The following ROBO1 variants were observed in gnomAD, a reference collection of about 807,000 sequenced individuals.
ROBO1 encodes the protein roundabout guidance receptor 1.
ROBO1 carries 149 observed loss-of-function variants against 195.9 expected under a neutral mutation model. That is an observed-to-expected ratio of 0.76 (90% confidence interval 0.67 to 0.87). The LOEUF is 0.87. Among genes scored for constraint, ROBO1 ranks in the 40% least tolerant of loss-of-function variants. ROBO1 has a pLI of 0.00. For missense variants in ROBO1, 1,933 were observed against 2,068.3 expected (o/e 0.93, Z 1.27); for synonymous variants, 816 against 733.2 (o/e 1.11, Z -1.82).
intron 3 of ROBO1, among the ~76,000 whole-genome samples, chr3:79,121,600 G>A (rs2080117637): frequency 6.6e-6 from 1 of 151,902 alleles, no homozygotes; most frequent in African/African-American, 2.4e-5. Flanking sequence ...TAAATTGACA[G>A]TGACAAAACT....
intron 3 of ROBO1, among the ~76,000 whole-genome samples, chr3:79,105,288 C>T (rs548034927): frequency 6.6e-6 from 1 of 151,606 alleles, no homozygotes; most frequent in South Asian, 2.1e-4. Context: ...AGTGTAAGGG[C>T]AAGATGAACA....
At chr3:79,307,576 G>C (rs981033533) in intron 2 of ROBO1, among the ~76,000 whole-genome samples, 1 of 151,920 alleles carries the variant, frequency 6.6e-6, no homozygotes, top group African/African-American at 2.4e-5. Flanking sequence ...ATTTTTGTGA[G>C]ATGAAATTAT....
chr3:79,334,535 A>G (rs1007976178), intron 2 of ROBO1, among the ~76,000 whole-genome samples: 2 of 151,644 alleles, frequency 1.3e-5, no homozygotes, highest in African/African-American at 4.8e-5. Flanking sequence ...TGTTCGATAA[A>G]CTTGTGTTCA....
At position 79,274,443 on chromosome 3, in the gene ROBO1, T is replaced by C. The variant is rs2030847309; in HGVS notation, c.89-148904A>G. On this transcript the variant is annotated intron_variant, in intron 2 of 30. Transcript: ENST00000464233. Reference sequence around the variant, plus strand: ...ATTCAGAAGGAAATTTAAATATTTCTTGAAACAAATGATAATGGAAACACA... The same window carrying C: ...ATTCAGAAGGAAATTTAAATATTTCCTGAAACAAATGATAATGGAAACACA... 3.3e-5 allele frequency among the ~76,000 whole-genome samples: 5 copies of C among 152,096 alleles called. No homozygotes were observed. In the South Asian group the frequency reaches 1.0e-3, roughly 32 times the overall value.
intron 3 of ROBO1, among the ~76,000 whole-genome samples, chr3:79,004,582 A>G (rs749967455): frequency 6.6e-6 from 1 of 152,162 alleles, no homozygotes; most frequent in Non-Finnish European, 1.5e-5. Context: ...GGGACAGCTA[A>G]GGTTTACCGG....
At chr3:79,285,886 T>A (rs546499531) in intron 2 of ROBO1, among the ~76,000 whole-genome samples, 2 of 151,754 alleles carry the variant, frequency 1.3e-5, no homozygotes, top group Non-Finnish European at 2.9e-5. Flanking sequence ...TACAGCTGCA[T>A]GAAATAAGAA....
intron 2 of ROBO1, among the ~76,000 whole-genome samples, chr3:79,479,542 C>T (rs914324031): frequency 2.6e-5 from 4 of 152,052 alleles, no homozygotes; most frequent in East Asian, 3.9e-4. Context: ...ACAATAGGAG[C>T]GACGCATAGG....
At chr3:79,019,059 G>A (rs989389818) in intron 3 of ROBO1, 3 of 989,714 alleles carry the variant, frequency 3.0e-6, no homozygotes, top group Non-Finnish European at 2.4e-6. Flanking sequence ...GCGAGGGGGC[G>A]GTGCGGCGAC....
intron 2 of ROBO1, among the ~76,000 whole-genome samples, chr3:79,570,923 G>A (rs891809753): frequency 6.6e-6 from 1 of 152,090 alleles, no homozygotes; most frequent in Non-Finnish European, 1.5e-5. Flanking sequence ...GACTATTTGA[G>A]TGATCATGTT....
intron 5 of ROBO1, among the ~76,000 whole-genome samples, chr3:78,720,969 G>A (rs1049962575): frequency 5.3e-5 from 8 of 151,436 alleles, no homozygotes; most frequent in South Asian, 2.1e-4. Context: ...GGCGGTGGAG[G>A]CATAGCATTA....
At chr3:79,622,387 G>T (rs1020209353) in intron 1 of ROBO1, among the ~76,000 whole-genome samples, 2 of 152,196 alleles carry the variant, frequency 1.3e-5, no homozygotes, top group Non-Finnish European at 2.9e-5. Flanking sequence ...CCTTGGGGGA[G>T]GGGTAGCAGC....
At chr3:78,642,307 GA>G (rs1485712638) in intron 21 of ROBO1, among the ~76,000 whole-genome samples, 1 of 152,064 alleles carries the variant, frequency 6.6e-6, no homozygotes, top group Non-Finnish European at 1.5e-5. Context: ...CTCACCCCAA[GA>G]AAGCCTATTT....
chr3:79,324,337 T>C (rs1212155940), intron 2 of ROBO1, among the ~76,000 whole-genome samples: 1 of 152,196 alleles, frequency 6.6e-6, no homozygotes, highest in African/African-American at 2.4e-5. Context: ...AGAGAAGTTT[T>C]CTGGTCTCAT....
chr3:79,206,157 T>C (rs1576813420), intron 2 of ROBO1, among the ~76,000 whole-genome samples: 1 of 152,190 alleles, frequency 6.6e-6, no homozygotes, highest in Non-Finnish European at 1.5e-5. Context: ...GAATCATCCC[T>C]TTGTCCAGAG....
intron 3 of ROBO1, among the ~76,000 whole-genome samples, chr3:79,082,848 G>T (rs2079299529): frequency 6.6e-6 from 1 of 152,108 alleles, no homozygotes; most frequent in African/African-American, 2.4e-5. Context: ...GGTGTGGAGA[G>T]AGGCAGGTTG....
At position 79,465,619 on chromosome 3, in the gene ROBO1, T is replaced by C. The variant is rs187361410; in HGVS notation, c.88+124205A>G. On this transcript the variant is annotated intron_variant, in intron 2 of 30. Coordinates refer to ENST00000464233, the MANE Select transcript of ROBO1 (RefSeq NM_002941.4). ...TCATTATTTATCAGTAGATTTTGAG[T>C]AAGATGGTTTACTAATTTCACTGTG... 4.6e-3 allele frequency among the ~76,000 whole-genome samples: 702 copies of C among 152,298 alleles called. 3 individuals are homozygous for C. Among genetic ancestry groups the C allele is most frequent in the African/African-American group, 0.014 (586 of 41,580 alleles).
intron 2 of ROBO1, among the ~76,000 whole-genome samples, chr3:79,154,841 G>C (rs1238185010): frequency 2.6e-5 from 4 of 151,766 alleles, no homozygotes; most frequent in African/African-American, 9.7e-5. Flanking sequence ...GAGCACTTAT[G>C]TTAGGGCGGA....
At chr3:79,571,337 T>C (rs141060043) in intron 2 of ROBO1, among the ~76,000 whole-genome samples, 1 of 152,226 alleles carries the variant, frequency 6.6e-6, no homozygotes, top group African/African-American at 2.4e-5. Flanking sequence ...TTACACTAAG[T>C]TATATGAGAC....
At chr3:79,330,671 GAAAA>G (rs34923136) in intron 2 of ROBO1, among the ~76,000 whole-genome samples, 7 of 77,380 alleles carry the variant, frequency 9.0e-5, no homozygotes, top group Admixed American at 1.5e-4. Flanking sequence ...GGAACTTAGG[GAAAA>G]AAAAAAAAAA....
Sources: gnomAD v4.1 joint callset for allele counts (sites outside exome capture counted in the v4.1 genomes callset) on GRCh38, gnomAD v4.1.1 for gene constraint, MANE v1.5 for transcripts, NCBI Gene and HGNC (gene_info 2026-07-23, HGNC 2026-07-21) for gene names.